Variants in MYO5A observed in about 807,000 individuals in gnomAD.
The protein encoded by MYO5A is unconventional myosin-Va.
MYO5A carries 98 observed loss-of-function variants against 249.7 expected under a neutral mutation model. The observed-to-expected ratio is 0.39, with a 90% CI of 0.33 to 0.46. The LOEUF (loss-of-function observed/expected upper bound fraction) is 0.46, where lower values mean the gene tolerates loss of function less well. Ranked by LOEUF, MYO5A falls within the 20% of genes least tolerant of loss-of-function variation. MYO5A has a pLI of 0.98. For missense variants in MYO5A, 1,696 were observed against 2,308.8 expected, an observed-to-expected ratio of 0.73 and a Z score of 5.44; for synonymous variants, 778 against 810.6, an observed-to-expected ratio of 0.96 and a Z score of 0.68.
chr15:52,384,504 C>T (rs1596383620), intron 14 of MYO5A, among the ~76,000 whole-genome samples, 182 bp from the exon 15 acceptor site: 1 of 152,058 alleles, frequency 6.6e-6, no homozygotes, highest in Non-Finnish European at 1.5e-5. Flanking sequence ...AAGTGCTATA[C>T]AAAAATAACA....
intron 1 of MYO5A, among the ~76,000 whole-genome samples, chr15:52,459,226 G>A (rs1270661602): frequency 1.4e-5 from 2 of 140,882 alleles, no homozygotes; most frequent in East Asian, 2.3e-4. Context: ...ATTTGGCAGG[G>A]TCATAGGACA....
intron 34 of MYO5A, among the ~76,000 whole-genome samples, chr15:52,335,779 CT>C (rs1253752595): frequency 8.6e-5 from 13 of 152,006 alleles, no homozygotes; most frequent in Admixed American, 7.9e-4. Flanking sequence ...TTTTACTTCT[CT>C]ATTTTTCCTC....
intron 18 of MYO5A, among the ~76,000 whole-genome samples, chr15:52,377,663 T>G (rs966921808): frequency 2.0e-5 from 3 of 150,552 alleles, no homozygotes; most frequent in African/African-American, 7.3e-5. Context: ...CTCCGCCTTC[T>G]GGGTTCAAGC....
At chr15:52,393,552 C>CTAAATTTAGCCA (rs2042353175) in intron 11 of MYO5A, among the ~76,000 whole-genome samples, 1 of 152,058 alleles carries the variant, frequency 6.6e-6, no homozygotes, top group Admixed American at 6.5e-5. Flanking sequence ...TGCCACCATG[C>CTAAATTTAGCCA]CCAGCTAAAT....
intron 36 of MYO5A, among the ~76,000 whole-genome samples, chr15:52,327,309 G>A (rs1339321996): frequency 6.6e-6 from 1 of 152,194 alleles, no homozygotes; most frequent in Non-Finnish European, 1.5e-5. Context: ...TTAAAATGCA[G>A]TTATGTCAAG....
chr15:52,398,861 C>T (rs1445996740), intron 9 of MYO5A, among the ~76,000 whole-genome samples: 1 of 152,058 alleles, frequency 6.6e-6, no homozygotes, highest in Non-Finnish European at 1.5e-5. Flanking sequence ...TAGTGGCAGA[C>T]ACCTGTAATC....
chr15:52,464,463 A>G (rs538018019), intron 1 of MYO5A, among the ~76,000 whole-genome samples: 1 of 152,132 alleles, frequency 6.6e-6, no homozygotes, highest in Non-Finnish European at 1.5e-5. Context: ...CAGTTTATAT[A>G]TGCGTTTTTC....
intron 2 of MYO5A, among the ~76,000 whole-genome samples, chr15:52,432,276 A>G (rs2075557918): frequency 6.6e-6 from 1 of 152,260 alleles, no homozygotes; most frequent in Non-Finnish European, 1.5e-5. Context: ...CTGGGCAAAT[A>G]TTAGCAGGAA....
Position 52,319,351 on chromosome 15 carries a change from G to A in MYO5A, c.4952-9C>T. On this transcript the variant is annotated splice_polypyrimidine_tract_variant and intron_variant, in intron 38 of 41. Transcript: ENST00000399233. ...TTCCAGCATGCCTGAGACTGCAGGA[G>A]TATTTCAATTGTTAGAGGAGATGAT... 1.9e-6 allele frequency: 3 copies of A among 1,613,618 alleles called. No homozygotes were observed. Among genetic ancestry groups the A allele is most frequent in the Middle Eastern group, 1.7e-4 (1 of 5,952 alleles).
At chr15:52,473,120 G>C (rs1595748297) in intron 1 of MYO5A, among the ~76,000 whole-genome samples, 3 of 152,100 alleles carry the variant, frequency 2.0e-5, no homozygotes. Flanking sequence ...TTGTGGTTTT[G>C]ATTTGCATTT....
rs1351145147 is a variant in MYO5A at position 52,313,510 on chromosome 15, C to T, written c.*186G>A. ...GTGTTGCTATAAAGATAACACAGCACGAAAGAGCCTATCTTTGTTTCCAAA... is the reference window on the plus strand; with the variant it reads ...GTGTTGCTATAAAGATAACACAGCATGAAAGAGCCTATCTTTGTTTCCAAA... On this transcript the variant is annotated 3_prime_UTR_variant, in exon 42 of 42. Transcript: ENST00000399233. 22 of 749,858 alleles carry T rather than the reference C, an allele frequency of 2.9e-5. No homozygotes were observed. The highest frequency in any genetic ancestry group is 1.1e-4 in the East Asian group (4 of 35,598). 46.5% of individuals were successfully genotyped at this position (749,858 alleles called of 1,614,324 possible).
rs114873891 is a variant in MYO5A at position 52,468,681 on chromosome 15, A to G, written c.28-35396T>C. ...ACAGACCCTGTCTCTATAAAACATA[A>G]TAACAAAATATTTAAAAGTTGCAAA... On this transcript the variant is annotated intron_variant, in intron 1 of 41. Transcript: ENST00000399233. Among the ~76,000 whole-genome samples, 422 of 152,294 alleles carry G rather than the reference A, an allele frequency of 2.8e-3. 3 individuals carry two copies. The highest frequency in any genetic ancestry group is 9.9e-3 in the African/African-American group (411 of 41,558).
In MYO5A at chr15:52,407,360, C is replaced by T; in HGVS notation, c.878G>A (p.Ser293Asn). 6.2e-7 allele frequency: 1 copy of T among 1,613,698 alleles called. No homozygotes were observed. The highest frequency in any genetic ancestry group is 1.1e-5 in the South Asian group (1 of 91,082). ...DNFNYTKQGG[S>N]PVIEGVDDAK... ...ATCATCCACTCCTTCAATCACAGGA[C>T]TGCCTCCTTGTTTTGTGTAATTAAA... is the stretch of plus-strand genomic sequence containing the variant. The change falls in exon 8 of 42, where the codon AGT (serine) becomes AAT (asparagine). Residue 293 changes from serine to asparagine, a missense_variant. Ser to Asn is a conservative substitution (Grantham distance 46). Coordinates refer to ENST00000399233, the MANE Select transcript of MYO5A (RefSeq NM_001382347.1).
intron 1 of MYO5A, among the ~76,000 whole-genome samples, chr15:52,470,662 A>C (rs2076444345): frequency 6.6e-6 from 1 of 151,948 alleles, no homozygotes; most frequent in Non-Finnish European, 1.5e-5. Flanking sequence ...CCTCAAAAAA[A>C]GGCCATTCCT....
chr15:52,405,161 T>A, intron 9 of MYO5A, 126 bp downstream of exon 9: 1 of 760,806 alleles, frequency 1.3e-6, no homozygotes, highest in Non-Finnish European at 2.3e-6. Context: ...GGATAACATA[T>A]GTCTTTGATA....
At position 52,416,293 on chromosome 15, in the gene MYO5A, C is replaced by G. The variant is rs1228854448; in HGVS notation, c.464G>C (p.Arg155Pro). The G allele has an allele frequency of 2.5e-6, 4 of 1,613,850 alleles. No individual in the cohort carries two copies. The highest frequency in any genetic ancestry group is 3.4e-6 in the Non-Finnish European group (4 of 1,179,894). Residue 155 changes from arginine (R) to proline (P), a missense_variant, in exon 5 of 42, where the codon CGA becomes CCA. By Grantham distance (103) the Arg-to-Pro change is moderately radical. Transcript: ENST00000399233. ...EAYKQMARDE[R>P]NQSIIVSGES... ...TCCACTTACGATGATGGACTGATTT[C>G]GTTCATCTCTGTAAAATAAAAATTT...
chr15:52,391,575 T>C (rs2141165570), intron 12 of MYO5A, among the ~76,000 whole-genome samples: 1 of 152,360 alleles, frequency 6.6e-6, no homozygotes, highest in East Asian at 1.9e-4. Flanking sequence ...ATTATAACTA[T>C]TTAGAACTGT....
chr15:52,439,678 G>A (rs1343455825), intron 1 of MYO5A, among the ~76,000 whole-genome samples: 1 of 152,134 alleles, frequency 6.6e-6, no homozygotes, highest in Non-Finnish European at 1.5e-5. Flanking sequence ...CACCAAGCAG[G>A]GTTGAGATGG....
At chr15:52,336,428 A>T (rs1198810977) in intron 34 of MYO5A, 35 bp downstream of exon 34, 12 of 1,388,588 alleles carry the variant, frequency 8.6e-6, no homozygotes, top group Non-Finnish European at 1.0e-5. Context: ...TCAAACCAAG[A>T]CTCAGTGACC....
Sources: allele counts gnomAD v4.1 joint callset (sites outside exome capture counted in the v4.1 genomes callset), GRCh38; gene constraint gnomAD v4.1.1; transcripts MANE v1.5; gene names NCBI Gene and HGNC (gene_info 2026-07-23, HGNC 2026-07-21).